The following EPRS1 variants were observed in gnomAD, a reference collection of about 807,000 sequenced individuals.
EPRS1 encodes bifunctional glutamate/proline--tRNA ligase.
EPRS1 carries 107 observed loss-of-function variants against 188.3 expected under a neutral mutation model. That is an observed-to-expected ratio of 0.57 (90% CI 0.49 to 0.67). The LOEUF is 0.67. Ranked by LOEUF, EPRS1 falls within the 30% of genes least tolerant of loss-of-function variation. The pLI, the probability that EPRS1 is intolerant of heterozygous loss-of-function variation, is 0.00. For missense variants in EPRS1, 1,577 were observed against 1,802.2 expected, an observed-to-expected ratio of 0.88 and a Z score of 2.26; for synonymous variants, 596 against 593.1, an observed-to-expected ratio of 1.00 and a Z score of -0.07.
At chr1:220,018,885 G>C in intron 11 of EPRS1, 110 bp downstream of exon 11, 1 of 672,256 alleles carries the variant, frequency 1.5e-6, no homozygotes, top group East Asian at 3.0e-5. Context: ...TGGATCATAA[G>C]GCACAAACAA....
chr1:220,010,529 C>T (rs1347539890), intron 13 of EPRS1, among the ~76,000 whole-genome samples: 2 of 152,088 alleles, frequency 1.3e-5, no homozygotes, highest in Admixed American at 6.6e-5. Context: ...AAAATCATCT[C>T]AGCCTGGCGC....
chr1:220,026,608 G>C (rs1351577747), intron 6 of EPRS1, among the ~76,000 whole-genome samples: 2 of 151,572 alleles, frequency 1.3e-5, no homozygotes, highest in Non-Finnish European at 2.9e-5. Flanking sequence ...TCAGCTCACT[G>C]CAAGTTCTGC....
intron 28 of EPRS1, among the ~76,000 whole-genome samples, chr1:219,977,610 G>T (rs770760899): frequency 6.6e-6 from 1 of 151,980 alleles, no homozygotes; most frequent in African/African-American, 2.4e-5. Context: ...GCAAAAAGGA[G>T]TGCAATTAAA....
At chr1:219,982,486 A>G in intron 23 of EPRS1, 1 of 246,192 alleles carries the variant, frequency 4.1e-6, no homozygotes. Context: ...AACAATAAAA[A>G]TTATTCTAAG....
At chr1:220,036,986 T>G (rs1013088988) in intron 2 of EPRS1, among the ~76,000 whole-genome samples, 6 of 145,004 alleles carry the variant, frequency 4.1e-5, no homozygotes, top group African/African-American at 1.3e-4. Context: ...AATAGAAAAA[T>G]GGGATAATAA....
intron 18 of EPRS1, among the ~76,000 whole-genome samples, chr1:219,995,994 A>T (rs967580045): frequency 6.6e-6 from 1 of 152,084 alleles, no homozygotes; most frequent in Non-Finnish European, 1.5e-5. Flanking sequence ...TAAATTCTAC[A>T]ATTTCTGGCA....
chr1:220,022,840 T>C (rs746865686), intron 8 of EPRS1, among the ~76,000 whole-genome samples: 41 of 152,368 alleles, frequency 2.7e-4, no homozygotes, highest in South Asian at 6.2e-4. Context: ...TCCCTTCCCA[T>C]CATGGCACAA....
chr1:220,034,547 T>C (rs1042229383), intron 3 of EPRS1, among the ~76,000 whole-genome samples: 3 of 152,226 alleles, frequency 2.0e-5, no homozygotes, highest in Admixed American at 6.5e-5. Context: ...CTATGCGTGT[T>C]ACCCTGTTCA....
chr1:220,018,157 G>A, intron 12 of EPRS1: 2 of 1,375,380 alleles, frequency 1.5e-6, no homozygotes, highest in South Asian at 1.2e-5. Context: ...CTTGAAAGCA[G>A]AAAAATGAAA....
In EPRS1 at chr1:220,011,069, C is replaced by T. The variant is rs2102583593; in HGVS notation, c.1495-13G>A. On this transcript the variant is annotated splice_polypyrimidine_tract_variant and intron_variant, in intron 12 of 31. Transcript: ENST00000366923. ...CTGGGTCAATAACCTGCAACAAATA[C>T]ATCCTCATGTTAAAACACTGCGATA... The T allele has an allele frequency of 6.9e-7, 1 of 1,446,414 alleles. No individual in the cohort carries two copies. The highest frequency in any genetic ancestry group is 2.3e-5 in the East Asian group (1 of 44,026). 89.6% of individuals were successfully genotyped at this position (1,446,414 alleles called of 1,614,324 possible).
Position 220,014,841 on chromosome 1 carries a change from A to C in EPRS1, c.1494+3608T>G, listed in dbSNP as rs1661671834. 2.0e-5 allele frequency among the ~76,000 whole-genome samples: 3 copies of C among 152,228 alleles called. No individual in the cohort carries two copies. The South Asian group carries it at 6.2e-4, about 32-fold the overall frequency. The stretch of plus-strand genomic sequence containing the variant: ...CAGATAACCAAGGCTCTAACCAGAC[A>C]TCTGAGAAATATCTTTAACGTGAAA... On this transcript the variant is annotated intron_variant, in intron 12 of 31. Transcript: ENST00000366923.
intron 20 of EPRS1, among the ~76,000 whole-genome samples, chr1:219,985,193 A>T (rs565525128): frequency 4.7e-4 from 71 of 152,308 alleles, no homozygotes; most frequent in African/African-American, 1.7e-3. Flanking sequence ...GTTCTTTTTA[A>T]GGCAATGTAT....
At chr1:220,024,899 G>A (rs1358268992) in intron 7 of EPRS1, among the ~76,000 whole-genome samples, 1 of 152,056 alleles carries the variant, frequency 6.6e-6, no homozygotes, top group Non-Finnish European at 1.5e-5. Context: ...TGGTATTATA[G>A]GAAAACATAT....
chr1:220,020,928 G>A (rs1467911390), intron 9 of EPRS1, among the ~76,000 whole-genome samples: 3 of 146,146 alleles, frequency 2.1e-5, no homozygotes, highest in Non-Finnish European at 4.5e-5. Context: ...TTTTACCCAG[G>A]CTAGAGTGCA....
chr1:219,999,327 G>A (rs1661299962), intron 17 of EPRS1, among the ~76,000 whole-genome samples: 1 of 152,124 alleles, frequency 6.6e-6, no homozygotes, highest in South Asian at 2.1e-4. Context: ...CTATTCAAAA[G>A]TGTGCAGGTT....
At chr1:219,989,464 A>C (rs1056237972) in intron 18 of EPRS1, among the ~76,000 whole-genome samples, 2 of 151,968 alleles carry the variant, frequency 1.3e-5, no homozygotes, top group African/African-American at 4.8e-5. Context: ...TGGACACCTT[A>C]CCTGAAATGG....
intron 1 of EPRS1, among the ~76,000 whole-genome samples, chr1:220,044,636 A>G (rs1400945939): frequency 6.9e-6 from 1 of 145,908 alleles, no homozygotes; most frequent in East Asian, 2.0e-4. Context: ...TGAGAACAAG[A>G]ATTGCTTGAT....
intron 13 of EPRS1, among the ~76,000 whole-genome samples, chr1:220,009,947 A>G (rs1339591889): frequency 6.6e-6 from 1 of 151,782 alleles, no homozygotes; most frequent in Non-Finnish European, 1.5e-5. Context: ...AAATACAAAC[A>G]TTGCTGGGTG....
intron 14 of EPRS1, 136 bp from the exon 15 acceptor site, chr1:220,006,449 TCTTTGGAAAAATTC>T (rs1661490347): frequency 1.8e-5 from 5 of 285,622 alleles, no homozygotes; most frequent in Non-Finnish European, 2.4e-5. Flanking sequence ...TAAGAAATTT[TCTTTGGAAAAATTC>T]CAAATCAAAC....
Sources: allele counts gnomAD v4.1 joint callset (sites outside exome capture counted in the v4.1 genomes callset), GRCh38; gene constraint gnomAD v4.1.1; transcripts MANE v1.5; gene names NCBI Gene and HGNC (gene_info 2026-07-23, HGNC 2026-07-21).